Variants in TRDN observed in about 807,000 individuals in gnomAD.
TRDN encodes triadin, also known as triadin in skeletal muscle.
TRDN carries 161 observed loss-of-function variants against 149.7 expected under a neutral mutation model. That is an observed-to-expected ratio of 1.08 (90% CI 0.95 to 1.23). The LOEUF is 1.23. TRDN is among the 50% of genes most tolerant of loss of function. The pLI, the probability that TRDN is intolerant of heterozygous loss-of-function variation, is 0.00. For synonymous variants in TRDN, 294 were observed against 250.5 expected (o/e 1.17, Z -1.64); for missense variants, 896 against 823.5 (o/e 1.09, Z -1.08).
At chr6:123,377,573 A>G (rs1430553047) in intron 18 of TRDN, 143 bp downstream of exon 18, 17 of 904,018 alleles carry the variant, frequency 1.9e-5, no homozygotes, top group Non-Finnish European at 2.8e-5. Flanking sequence ...TGTTATGTCC[A>G]TGTCAAGAAC....
chr6:123,306,569 T>C (rs978324031), intron 24 of TRDN, among the ~76,000 whole-genome samples: 1 of 152,208 alleles, frequency 6.6e-6, no homozygotes, highest in Admixed American at 6.6e-5. Flanking sequence ...GAATTGCTTG[T>C]TGTAACCTGA....
At chr6:123,288,822 C>T (rs567070767) in intron 24 of TRDN, among the ~76,000 whole-genome samples, 16 of 151,818 alleles carry the variant, frequency 1.1e-4, no homozygotes, top group Admixed American at 3.9e-4. Flanking sequence ...CATGAAGGCT[C>T]CTCAAAAAAA....
At chr6:123,586,621 T>C (rs1050600629) in intron 1 of TRDN, among the ~76,000 whole-genome samples, 3 of 152,128 alleles carry the variant, frequency 2.0e-5, no homozygotes, top group Non-Finnish European at 4.4e-5. Context: ...CTGTCGAGTT[T>C]GTATTGGGGT....
chr6:123,539,749 G>T (rs1162501925), intron 4 of TRDN, among the ~76,000 whole-genome samples: 1 of 152,134 alleles, frequency 6.6e-6, no homozygotes, highest in Non-Finnish European at 1.5e-5. Context: ...GTTAACAGTA[G>T]ATTTATATAC....
At chr6:123,609,172 CA>C (rs1006408384) in intron 1 of TRDN, among the ~76,000 whole-genome samples, 2 of 149,818 alleles carry the variant, frequency 1.3e-5, no homozygotes, top group African/African-American at 4.9e-5. Flanking sequence ...GACTCCATCT[CA>C]AAAAAACAAA....
chr6:123,233,316 G>A (rs1366162238), intron 38 of TRDN, among the ~76,000 whole-genome samples: 1 of 152,022 alleles, frequency 6.6e-6, no homozygotes, highest in Admixed American at 6.6e-5. Flanking sequence ...GAGTTTTAAA[G>A]AAAATGAACT....
intron 7 of TRDN, among the ~76,000 whole-genome samples, chr6:123,508,735 C>T (rs921439034): frequency 6.6e-6 from 1 of 152,168 alleles, no homozygotes; most frequent in Admixed American, 6.6e-5. Context: ...CAATGGCTGC[C>T]TTTCAGCAAG....
At chr6:123,553,434 A>G (rs1781495452) in intron 2 of TRDN, among the ~76,000 whole-genome samples, 1 of 151,928 alleles carries the variant, frequency 6.6e-6, no homozygotes, top group Non-Finnish European at 1.5e-5. Flanking sequence ...AGGCAAGAAA[A>G]CAGGGGTCCC....
intron 38 of TRDN, among the ~76,000 whole-genome samples, chr6:123,248,931 C>G (rs1344666645): frequency 2.6e-5 from 4 of 152,130 alleles, no homozygotes; most frequent in Non-Finnish European, 5.9e-5. Flanking sequence ...AAACTCCCAA[C>G]CAATATCTCT....
intron 24 of TRDN, among the ~76,000 whole-genome samples, chr6:123,312,777 C>G (rs1778874428): frequency 6.6e-6 from 1 of 151,966 alleles, no homozygotes; most frequent in South Asian, 2.1e-4. Flanking sequence ...TCCTAGGGAA[C>G]CCTTCACTAA....
chr6:123,244,850 G>T (rs1776116515), intron 38 of TRDN, among the ~76,000 whole-genome samples: 1 of 152,112 alleles, frequency 6.6e-6, no homozygotes, highest in Admixed American at 6.5e-5. Context: ...AGAGAGAAAG[G>T]TCAGGTCACC....
intron 1 of TRDN, among the ~76,000 whole-genome samples, chr6:123,602,196 A>G (rs1784312515): frequency 6.6e-6 from 1 of 152,106 alleles, no homozygotes; most frequent in Non-Finnish European, 1.5e-5. Context: ...ATGCCCATCA[A>G]CCAACAAATG....
At chr6:123,551,820 A>G (rs1416401990) in intron 2 of TRDN, among the ~76,000 whole-genome samples, 1 of 152,132 alleles carries the variant, frequency 6.6e-6, no homozygotes, top group African/African-American at 2.4e-5. Flanking sequence ...ATTGTGCTAT[A>G]TGCTGTCAAA....
intron 4 of TRDN, among the ~76,000 whole-genome samples, chr6:123,532,623 G>C (rs1347947024): frequency 6.6e-6 from 1 of 151,792 alleles, no homozygotes; most frequent in Non-Finnish European, 1.5e-5. Context: ...TCCCACAATC[G>C]CATAATCCAA....
chr6:123,386,676 T>C (rs1163971236), intron 14 of TRDN, among the ~76,000 whole-genome samples: 1 of 152,174 alleles, frequency 6.6e-6, no homozygotes, highest in East Asian at 1.9e-4. Context: ...ACCTCCTGAT[T>C]CCGCCTAAAG....
rs1471190514 is a variant in TRDN at position 123,574,249 on chromosome 6, GA to G, written c.23-3118del. On this transcript the variant is annotated intron_variant, in intron 1 of 40. Transcript: ENST00000334268. ...AATAGTGACAACAAATCTCTTTTCGGAAAAAAAACTGTGGAATACATATCCG... is the reference window on the plus strand; with the variant it reads ...AATAGTGACAACAAATCTCTTTTCGGAAAAAAACTGTGGAATACATATCCG... 5.3e-5 allele frequency among the ~76,000 whole-genome samples: 8 copies of G among 151,462 alleles called. No individual in the cohort carries two copies. The South Asian group carries it at 1.5e-3, about 28-fold the overall frequency.
chr6:123,381,956 G>GCTCTCTCTCTCTCTCTCTCT (rs55997261), intron 15 of TRDN, among the ~76,000 whole-genome samples, 162 bp downstream of exon 15: 5 of 138,522 alleles, frequency 3.6e-5, no homozygotes, highest in African/African-American at 1.1e-4. Flanking sequence ...TAGATTTGGC[G>GCTCTCTCTCTCTCTCTCTCT]CTCTCTCTCT....
intron 12 of TRDN, among the ~76,000 whole-genome samples, chr6:123,404,783 A>C (rs1035241072): frequency 6.6e-6 from 1 of 152,194 alleles, no homozygotes; most frequent in African/African-American, 2.4e-5. Flanking sequence ...CATGGTTCTA[A>C]GAGTTCAAAT....
At chr6:123,589,633 C>T (rs937397691) in intron 1 of TRDN, among the ~76,000 whole-genome samples, 5 of 152,068 alleles carry the variant, frequency 3.3e-5, no homozygotes, top group African/African-American at 4.8e-5. Flanking sequence ...GCTGCTTTAC[C>T]CCACATGGAG....
Sources: gnomAD v4.1 joint callset for allele counts (sites outside exome capture counted in the v4.1 genomes callset) on GRCh38, gnomAD v4.1.1 for gene constraint, MANE v1.5 for transcripts, NCBI Gene and HGNC (gene_info 2026-07-23, HGNC 2026-07-21) for gene names.